PRKCI: variants seen among roughly 807,000 people sequenced by gnomAD.
PRKCI encodes the protein protein kinase C iota type.
A neutral mutation model predicts 84.0 loss-of-function variants in PRKCI; 43 were observed. The observed-to-expected ratio is 0.51, with a 90% CI of 0.40 to 0.66. PRKCI has a LOEUF of 0.66. Among genes scored for constraint, PRKCI ranks in the 30% least tolerant of loss-of-function variants. The pLI is 0.00. For missense variants in PRKCI, 459 were observed against 745.6 expected (o/e 0.62, Z 4.48); for synonymous variants, 216 against 234.4 (o/e 0.92, Z 0.72).
chr3:170,300,089 CTTA>C (rs1158966457), intron 17 of PRKCI, among the ~76,000 whole-genome samples: 1 of 152,134 alleles, frequency 6.6e-6, no homozygotes, highest in Admixed American at 6.5e-5. Flanking sequence ...CAGGGAGGCC[CTTA>C]TTGTTTGGCA....
intron 11 of PRKCI, among the ~76,000 whole-genome samples, chr3:170,284,180 A>C (rs924369831): frequency 3.9e-5 from 6 of 152,066 alleles, no homozygotes; most frequent in Non-Finnish European, 2.9e-5. Flanking sequence ...AGAAGTATGG[A>C]CTGCCTGAAG....
At chr3:170,288,771 T>A (rs1734465661) in intron 12 of PRKCI, among the ~76,000 whole-genome samples, 1 of 152,048 alleles carries the variant, frequency 6.6e-6, no homozygotes, top group African/African-American at 2.4e-5. Context: ...TATATACATA[T>A]AAAATAAAAT....
chr3:170,300,922 G>A (rs1374176846), intron 17 of PRKCI, among the ~76,000 whole-genome samples: 1 of 151,988 alleles, frequency 6.6e-6, no homozygotes, highest in Non-Finnish European at 1.5e-5. Context: ...TGTTTTCCCT[G>A]TCCCCTTGAG....
chr3:170,256,358 A>G (rs1733583191), intron 2 of PRKCI, among the ~76,000 whole-genome samples: 1 of 152,000 alleles, frequency 6.6e-6, no homozygotes, highest in Non-Finnish European at 1.5e-5. Context: ...ACTTGTTAGT[A>G]CTCTAGTCAG....
At chr3:170,258,643 A>C (rs1045832828) in intron 2 of PRKCI, among the ~76,000 whole-genome samples, 1 of 152,144 alleles carries the variant, frequency 6.6e-6, no homozygotes, top group Non-Finnish European at 1.5e-5. Context: ...CAGATGTGCC[A>C]CCTCATTGAT....
chr3:170,242,659 ATTTCT>A (rs528141195), intron 2 of PRKCI, among the ~76,000 whole-genome samples: 34 of 151,670 alleles, frequency 2.2e-4, no homozygotes, highest in South Asian at 1.0e-3. Context: ...TTCCTTTAAC[ATTTCT>A]TTTGTTTTTG....
chr3:170,229,891 CTT>C (rs1244552173), intron 1 of PRKCI, among the ~76,000 whole-genome samples: 8 of 152,012 alleles, frequency 5.3e-5, no homozygotes, highest in Non-Finnish European at 7.4e-5. Flanking sequence ...TTACAAGTAT[CTT>C]TTATATATTA....
intron 4 of PRKCI, among the ~76,000 whole-genome samples, chr3:170,267,390 T>C (rs1471086030): frequency 1.3e-5 from 2 of 151,996 alleles, no homozygotes; most frequent in African/African-American, 4.8e-5. Flanking sequence ...AAAGCAGTAG[T>C]AGGCCGGGCG....
chr3:170,298,062 G>A (rs1577378033), intron 16 of PRKCI, among the ~76,000 whole-genome samples: 4 of 151,196 alleles, frequency 2.6e-5, no homozygotes, highest in Middle Eastern at 7.0e-3. Flanking sequence ...TAGTAGAGAC[G>A]GGGTTTCATC....
intron 14 of PRKCI, among the ~76,000 whole-genome samples, chr3:170,294,342 A>G (rs1293276426): frequency 6.6e-6 from 1 of 152,198 alleles, no homozygotes; most frequent in African/African-American, 2.4e-5. Context: ...ACTACTATAA[A>G]ATTCTACATT....
rs188554337 is a variant in PRKCI, at chr3:170,251,784, C to T, written c.224-8185C>T. Among the ~76,000 whole-genome samples the T allele has an allele frequency of 5.2e-3, 796 of 152,072 alleles. 1 individual carries two copies. The highest frequency in any genetic ancestry group is 8.9e-3 in the Non-Finnish European group (606 of 68,002). ...AACTAGCTGGGCATGGTGGTGGGCG[C>T]CTGTAGTCCTAGCTACTCAGGAGGC... On this transcript the variant is annotated intron_variant, in intron 2 of 17. Coordinates refer to ENST00000295797, the MANE Select transcript of PRKCI (RefSeq NM_002740.6).
chr3:170,243,245 A>G (rs954449305), intron 2 of PRKCI, among the ~76,000 whole-genome samples: 5 of 152,168 alleles, frequency 3.3e-5, no homozygotes, highest in Middle Eastern at 3.2e-3. Flanking sequence ...GGCTACTACT[A>G]ATCTGCTTTC....
rs1307700944 is a variant in PRKCI at position 170,303,502 on chromosome 3, G to T, written c.*375G>T. 8 of 234,470 alleles carry T rather than the reference G, an allele frequency of 3.4e-5. No individual in the cohort carries two copies. The highest frequency in any genetic ancestry group is 6.7e-5 in the Non-Finnish European group (8 of 119,822). The allele number at this position is 234,470 out of a possible 1,614,324, so 14.5% of individuals were successfully genotyped here. A position where few individuals can be genotyped will look rare whatever the true frequency, so the allele number is the denominator to read the frequency against. On this transcript the variant is annotated 3_prime_UTR_variant, in exon 18 of 18. Transcript: ENST00000295797. ...AACCTCCCATAATTTTTGTCATTCTGTGTTAAATCATTTCAGGGTTTAATT... is the reference window on the plus strand; with the variant it reads ...AACCTCCCATAATTTTTGTCATTCTTTGTTAAATCATTTCAGGGTTTAATT...
chr3:170,235,128 C>A, intron 1 of PRKCI, 102 bp from the exon 2 acceptor site: 1 of 1,239,084 alleles, frequency 8.1e-7, no homozygotes, highest in South Asian at 1.4e-5. Flanking sequence ...TTGATGCACA[C>A]ACAAAATTAC....
At chr3:170,302,717 A>T (rs1734851369) in intron 17 of PRKCI, among the ~76,000 whole-genome samples, 1 of 152,150 alleles carries the variant, frequency 6.6e-6, no homozygotes, top group African/African-American at 2.4e-5. Context: ...TCAAACCTGG[A>T]TGTTCACCTG....
chr3:170,296,587 A>G (rs114055072), intron 15 of PRKCI, among the ~76,000 whole-genome samples: 5,007 of 152,248 alleles, frequency 0.033, 138 homozygotes, highest in East Asian at 0.085. Context: ...ATGATAGAAA[A>G]GTTGATGTAC....
intron 5 of PRKCI, among the ~76,000 whole-genome samples, chr3:170,269,587 A>G (rs1733949954): frequency 6.6e-6 from 1 of 152,178 alleles, no homozygotes; most frequent in Non-Finnish European, 1.5e-5. Context: ...TTGAGGCTGC[A>G]GTGAATCAAA....
At position 170,249,615 on chromosome 3, in the gene PRKCI, G is replaced by A. The variant is rs565521496; in HGVS notation, c.224-10354G>A. 7.2e-5 allele frequency among the ~76,000 whole-genome samples: 11 copies of A among 151,822 alleles called. 1 individual carries two copies. In the South Asian group the frequency reaches 8.3e-4, roughly 11 times the overall value. On this transcript the variant is annotated intron_variant, in intron 2 of 17. Transcript: ENST00000295797. ...ACCAGCCTGGTCAACATAGGGAGAC[G>A]CTGTTTCTACAAAAAAAGAAAGGAA... is the stretch of plus-strand genomic sequence containing the variant.
intron 16 of PRKCI, among the ~76,000 whole-genome samples, chr3:170,297,809 T>C (rs1427708182): frequency 6.6e-6 from 1 of 151,966 alleles, no homozygotes; most frequent in Non-Finnish European, 1.5e-5. Context: ...TTTAAAAACT[T>C]AAAACCACTT....
Sources: gnomAD v4.1 joint callset for allele counts (sites outside exome capture counted in the v4.1 genomes callset) on GRCh38, gnomAD v4.1.1 for gene constraint, MANE v1.5 for transcripts, NCBI Gene and HGNC (gene_info 2026-07-23, HGNC 2026-07-21) for gene names.